PARL: variants seen among roughly 807,000 people sequenced by gnomAD.
The protein encoded by PARL is presenilin associated rhomboid like, also known as presenilin-associated rhomboid-like protein, mitochondrial.
A neutral mutation model predicts 51.6 loss-of-function variants in PARL; 44 were observed. That is an observed-to-expected ratio of 0.85 (90% CI 0.67 to 1.10). The LOEUF is 1.10. PARL is among the 50% of genes least tolerant of loss of function. PARL has a pLI of 0.00. For synonymous variants in PARL, 172 were observed against 164.0 expected (o/e 1.05, Z -0.37); for missense variants, 441 against 469.5 (o/e 0.94, Z 0.56).
At chr3:183,867,678 C>T (rs952388952) in intron 2 of PARL, among the ~76,000 whole-genome samples, 187 bp downstream of exon 2, 20 of 148,498 alleles carry the variant, frequency 1.3e-4, no homozygotes, top group Non-Finnish European at 1.6e-4. Context: ...CCAACCTGGG[C>T]GACAGAGTGA....
chr3:183,874,568 C>T (rs1246706786), intron 1 of PARL, among the ~76,000 whole-genome samples: 1 of 152,018 alleles, frequency 6.6e-6, no homozygotes, highest in Non-Finnish European at 1.5e-5. Context: ...GCCACCACAC[C>T]GAGCTGATTT....
At chr3:183,859,495 G>A (rs1269904960) in intron 4 of PARL, among the ~76,000 whole-genome samples, 1 of 151,804 alleles carries the variant, frequency 6.6e-6, no homozygotes, top group Non-Finnish European at 1.5e-5. Context: ...GCACCACCAC[G>A]TCCAGCTAAT....
chr3:183,830,434 G>A (rs1299341388), intron 9 of PARL, among the ~76,000 whole-genome samples: 1 of 152,078 alleles, frequency 6.6e-6, no homozygotes, highest in African/African-American at 2.4e-5. Flanking sequence ...CATCTTCTGT[G>A]AGCTGGGGAG....
chr3:183,868,556 G>A (rs1440172910), intron 1 of PARL, among the ~76,000 whole-genome samples: 4 of 152,044 alleles, frequency 2.6e-5, no homozygotes, highest in African/African-American at 7.2e-5. Context: ...GACTACAAGC[G>A]TAGGCTACCA....
chr3:183,853,273 A>G (rs955939960), intron 4 of PARL, among the ~76,000 whole-genome samples: 1 of 144,436 alleles, frequency 6.9e-6, no homozygotes, highest in Admixed American at 7.1e-5. Flanking sequence ...AAGAATGCTT[A>G]TAACTCAGGC....
chr3:183,848,658 T>C (rs1460353008), intron 4 of PARL, among the ~76,000 whole-genome samples: 1 of 152,192 alleles, frequency 6.6e-6, no homozygotes, highest in Non-Finnish European at 1.5e-5. Context: ...GTTGATTCCA[T>C]GCAAAACCCA....
chr3:183,869,614 G>A (rs1291632238), intron 1 of PARL, among the ~76,000 whole-genome samples: 5 of 151,464 alleles, frequency 3.3e-5, no homozygotes, highest in African/African-American at 7.3e-5. Flanking sequence ...TATATATAAC[G>A]AACAATATTC....
In PARL at chr3:183,864,437, A is replaced by G. The variant is rs553764872; in HGVS notation, c.463-1636T>C. On this transcript the variant is annotated intron_variant, in intron 3 of 9. Coordinates refer to ENST00000317096, the MANE Select transcript of PARL (RefSeq NM_018622.7). ...GAAAACCAAATGGGCCTGAAACCAC[A>G]TATTAACTAAAATCTCAGTGTTCAA... Among the ~76,000 whole-genome samples, 349 of 152,322 alleles carry G rather than the reference A, an allele frequency of 2.3e-3. 2 individuals are homozygous for G. Among genetic ancestry groups the G allele is most frequent in the African/African-American group, 8.1e-3 (337 of 41,562 alleles).
Position 183,867,866 on chromosome 3 carries a change from C to A in PARL, c.320G>T (p.Gly107Val). Residue 107 changes from glycine to valine, a missense_variant and splice_region_variant, in exon 2 of 10, where the codon GGG becomes GTG. Coordinates refer to ENST00000317096, the MANE Select transcript of PARL (RefSeq NM_018622.7). Reference sequence around the variant, plus strand: ...ACTCCTAGCAAAGTGAGCTCTTACCCCAACAGTAAAAAATAAAGGTTTTAT... The same window carrying A: ...ACTCCTAGCAAAGTGAGCTCTTACCACAACAGTAAAAAATAAAGGTTTTAT... ...SLIKPLFFTV[G>V]FTGCAFGSAA... 6.2e-7 allele frequency: 1 copy of A among 1,608,504 alleles called. No individual in the cohort carries two copies. Among genetic ancestry groups the A allele is most frequent in the Non-Finnish European group, 8.5e-7 (1 of 1,176,126 alleles).
In PARL at chr3:183,867,992, G is replaced by A. The variant is rs756273693; in HGVS notation, c.194C>T (p.Ser65Leu). 90 of 1,614,022 alleles carry A rather than the reference G, an allele frequency of 5.6e-5. No homozygotes were observed. Among genetic ancestry groups the A allele is most frequent in the Non-Finnish European group, 7.5e-5 (89 of 1,179,980 alleles). Residue 65 changes from serine (S) to leucine (L), a missense_variant, in exon 2 of 10, where the codon TCA becomes TTA. Transcript: ENST00000317096. ...KAPRKVEPRRSDPGTSGEAYK... is the reference protein window; with the variant it reads ...KAPRKVEPRRLDPGTSGEAYK... ...TGCTTCACCACTTGTCCCTGGGTCT[G>A]ATCTTCGAGGTTCAACCTTCCTGGG... is the stretch of plus-strand genomic sequence containing the variant.
chr3:183,854,762 A>C (rs991186707), intron 4 of PARL, among the ~76,000 whole-genome samples: 2 of 151,426 alleles, frequency 1.3e-5, no homozygotes, highest in African/African-American at 4.8e-5. Context: ...AAAAAAAAAA[A>C]CAGTTACCAT....
chr3:183,840,701 TTTC>T, intron 6 of PARL, 61 bp from the exon 7 acceptor site: 2 of 866,704 alleles, frequency 2.3e-6, no homozygotes, highest in Non-Finnish European at 3.7e-6. Context: ...TACTTTTTTT[TTTC>T]TTTTCTTTTT....
chr3:183,871,699 A>G lies in PARL; in HGVS notation c.126-3639T>C, dbSNP rs149018358. Among the ~76,000 whole-genome samples, 403 of 152,268 alleles carry G rather than the reference A, an allele frequency of 2.6e-3. 1 individual carries two copies. Among genetic ancestry groups the G allele is most frequent in the African/African-American group, 9.4e-3 (390 of 41,558 alleles). ...ACTAACCTGTAGTGATAAATATTAG[A>G]TGAGCGATTGCCTGGAATGGGTGGG... On this transcript the variant is annotated intron_variant, in intron 1 of 9. Transcript: ENST00000317096.
chr3:183,864,516 C>T (rs372018642), intron 3 of PARL, among the ~76,000 whole-genome samples: 26 of 151,992 alleles, frequency 1.7e-4, no homozygotes, highest in South Asian at 8.3e-4. Context: ...GTGGCTCATG[C>T]CTGTAATCCC....
At chr3:183,874,791 G>A (rs1733602848) in intron 1 of PARL, among the ~76,000 whole-genome samples, 1 of 152,190 alleles carries the variant, frequency 6.6e-6, no homozygotes, top group African/African-American at 2.4e-5. Context: ...AACAATTCTT[G>A]CCAGACATGG....
downstream of PARL, among the ~76,000 whole-genome samples, chr3:183,828,267 T>G (rs140696928): frequency 6.6e-6 from 1 of 152,330 alleles, no homozygotes; most frequent in South Asian, 2.1e-4. Context: ...CAAAGCACGA[T>G]GTGAATTAAT....
At chr3:183,876,704 G>A (rs1381270328) in intron 1 of PARL, among the ~76,000 whole-genome samples, 1 of 151,010 alleles carries the variant, frequency 6.6e-6, no homozygotes, top group African/African-American at 2.4e-5. Flanking sequence ...TAGCCACAGA[G>A]TGATTTTTCT....
Position 183,867,874 on chromosome 3 carries a change from A to G in PARL, c.312T>C (p.Phe104=). ...CAAAGTGAGCTCTTACCCCAACAGT[A>G]AAAAATAAAGGTTTTATGAGACTCC... ...PIRSLIKPLF[F]TVGFTGCAFG... is the part of the protein sequence containing the mutation. Residue 104 remains phenylalanine (F), a synonymous_variant, in exon 2 of 10, where the codon TTT becomes TTC. Transcript: ENST00000317096. The G allele has an allele frequency of 3.1e-6, 5 of 1,610,772 alleles. No individual in the cohort carries two copies. Among genetic ancestry groups the G allele is most frequent in the Non-Finnish European group, 3.4e-6 (4 of 1,177,734 alleles).
intron 6 of PARL, 148 bp downstream of exon 6, chr3:183,842,150 G>A (rs751005669): frequency 8.6e-6 from 7 of 815,758 alleles, no homozygotes; most frequent in Admixed American, 1.8e-5. Flanking sequence ...CCAATCTGTG[G>A]CTCCCTTCTC....
Sources: allele counts gnomAD v4.1 joint callset (sites outside exome capture counted in the v4.1 genomes callset), GRCh38; gene constraint gnomAD v4.1.1; transcripts MANE v1.5; gene names NCBI Gene and HGNC (gene_info 2026-07-23, HGNC 2026-07-21).